The following FNDC3B variants were observed in gnomAD, a reference collection of about 807,000 sequenced individuals.
FNDC3B encodes fibronectin type III domain-containing protein 3B.
FNDC3B carries 12 observed loss-of-function variants against 151.5 expected under a neutral mutation model. That is an observed-to-expected ratio of 0.08 (90% CI 0.05 to 0.13). The LOEUF (loss-of-function observed/expected upper bound fraction) is 0.13, where lower values mean the gene tolerates loss of function less well. Among genes scored for constraint, FNDC3B ranks in the 10% least tolerant of loss-of-function variants. The pLI is 1.00. For missense variants in FNDC3B, 1,214 were observed against 1,505.3 expected (o/e 0.81, Z 3.20); for synonymous variants, 528 against 549.0 (o/e 0.96, Z 0.54).
intron 1 of FNDC3B, among the ~76,000 whole-genome samples, chr3:172,092,313 C>G (rs566970973): frequency 6.6e-6 from 1 of 152,242 alleles, no homozygotes; most frequent in Non-Finnish European, 1.5e-5. Context: ...TGCCTGAGCC[C>G]CTGTCATATG....
intron 16 of FNDC3B, 133 bp from the exon 17 acceptor site, chr3:172,340,980 G>T: frequency 4.5e-6 from 3 of 671,860 alleles, no homozygotes; most frequent in Non-Finnish European, 8.0e-6. Context: ...AAAAGGAAGA[G>T]CTTTCTGGCT....
At chr3:172,158,875 C>G (rs1722634944) in intron 3 of FNDC3B, among the ~76,000 whole-genome samples, 1 of 152,162 alleles carries the variant, frequency 6.6e-6, no homozygotes, top group Non-Finnish European at 1.5e-5. Context: ...TCCCCTCTTC[C>G]TCTCCCTCCT....
chr3:172,334,498 A>G (rs906140891), intron 14 of FNDC3B, among the ~76,000 whole-genome samples: 2 of 152,100 alleles, frequency 1.3e-5, no homozygotes, highest in African/African-American at 4.8e-5. Context: ...GCTGGAGTGC[A>G]ATGGCATGAT....
chr3:172,130,151 A>G (rs1047827353), intron 2 of FNDC3B, among the ~76,000 whole-genome samples: 10 of 152,270 alleles, frequency 6.6e-5, no homozygotes, highest in African/African-American at 9.6e-5. Context: ...AGGACCGGTC[A>G]TTGGGCTGGT....
intron 22 of FNDC3B, among the ~76,000 whole-genome samples, chr3:172,360,420 T>A (rs1417403936): frequency 6.6e-6 from 1 of 152,234 alleles, no homozygotes; most frequent in Non-Finnish European, 1.5e-5. Context: ...CTCTTAGCAG[T>A]GCAAAAGTTT....
chr3:172,297,692 T>C (rs1457709300), intron 8 of FNDC3B, among the ~76,000 whole-genome samples: 1 of 152,072 alleles, frequency 6.6e-6, no homozygotes, highest in East Asian at 1.9e-4. Context: ...GCCAGGATGG[T>C]CTCGATCTCC....
chr3:172,111,979 T>C (rs1163042947), intron 1 of FNDC3B, among the ~76,000 whole-genome samples: 1 of 152,242 alleles, frequency 6.6e-6, no homozygotes, highest in Non-Finnish European at 1.5e-5. Context: ...AATTGAAGAA[T>C]AAACACTTCT....
rs1033314107 is a variant in FNDC3B, at chr3:172,039,683, G to A, written c.-117G>A. ...CGGCGGCGGGAGCAGCGAAGGGGGC[G>A]GCAGGGATCCTCCAGGCTGCCGGCT... On this transcript the variant is annotated 5_prime_UTR_variant, in exon 1 of 26. Transcript: ENST00000415807. 11 of 165,008 alleles carry A rather than the reference G, an allele frequency of 6.7e-5. No individual in the cohort carries two copies. The highest frequency in any genetic ancestry group is 1.2e-4 in the Non-Finnish European group (9 of 77,740). The allele number at this position is 165,008 out of a possible 1,614,324, so 10.2% of individuals were successfully genotyped here. A position where few individuals can be genotyped will look rare whatever the true frequency, so the allele number is the denominator to read the frequency against.
intron 25 of FNDC3B, among the ~76,000 whole-genome samples, chr3:172,387,418 T>A (rs1735776617): frequency 6.6e-6 from 1 of 152,240 alleles, no homozygotes; most frequent in Admixed American, 6.5e-5. Flanking sequence ...ATTTTTTTAA[T>A]GACTTTCAAC....
chr3:172,303,664 C>G (rs565021093), intron 9 of FNDC3B, among the ~76,000 whole-genome samples: 9 of 151,960 alleles, frequency 5.9e-5, no homozygotes, highest in African/African-American at 2.2e-4. Context: ...AGAAACTGAC[C>G]GTACTCTACA....
At chr3:172,310,949 C>A (rs1731444762) in intron 11 of FNDC3B, 68 bp downstream of exon 11, 11 of 1,086,562 alleles carry the variant, frequency 1.0e-5, no homozygotes, top group Non-Finnish European at 1.6e-5. Context: ...GAACAAATGC[C>A]ATCTTATTCT....
chr3:172,295,170 T>TATA (rs1388560533), intron 7 of FNDC3B, among the ~76,000 whole-genome samples, 193 bp from the exon 8 acceptor site: 1 of 152,204 alleles, frequency 6.6e-6, no homozygotes, highest in East Asian at 1.9e-4. Context: ...AAGTTGGCAT[T>TATA]ATAAGGACAG....
chr3:172,163,761 T>C (rs1217307135), intron 3 of FNDC3B, among the ~76,000 whole-genome samples: 1 of 152,260 alleles, frequency 6.6e-6, no homozygotes, highest in Admixed American at 6.5e-5. Context: ...GCAGGGCTGC[T>C]ATGAATATTC....
chr3:172,115,502 G>C (rs1290854968), intron 2 of FNDC3B, among the ~76,000 whole-genome samples: 1 of 152,178 alleles, frequency 6.6e-6, no homozygotes, highest in Non-Finnish European at 1.5e-5. Flanking sequence ...GTAATGTGGT[G>C]CTCAGGTGGT....
rs181284135 is a variant in FNDC3B at position 172,247,824 on chromosome 3, C to T, written c.508+48C>T. 8.8e-5 allele frequency: 140 copies of T among 1,593,332 alleles called. No homozygotes were observed. The African/African-American group carries it at 1.5e-3, about 17-fold the overall frequency. ...CAGGAGCCGTTGAAACTGATTACAG[C>T]GTTTCAATAGTTCAAGGCGGTCCTT... On this transcript the variant is annotated intron_variant, in intron 5 of 25. Transcript: ENST00000415807.
chr3:172,097,944 TG>T (rs1295755871), intron 1 of FNDC3B, among the ~76,000 whole-genome samples: 1 of 152,190 alleles, frequency 6.6e-6, no homozygotes, highest in African/African-American at 2.4e-5. Context: ...TTAGTAGAAC[TG>T]GCAGGGGCAT....
chr3:172,090,771 C>T (rs953163922), intron 1 of FNDC3B, among the ~76,000 whole-genome samples: 30 of 152,276 alleles, frequency 2.0e-4, no homozygotes, highest in African/African-American at 5.8e-4. Flanking sequence ...CAGGATGCCA[C>T]AGTGGAAAAT....
At chr3:172,326,304 A>T (rs1166699236) in intron 11 of FNDC3B, among the ~76,000 whole-genome samples, 3 of 152,134 alleles carry the variant, frequency 2.0e-5, no homozygotes, top group African/African-American at 7.2e-5. Flanking sequence ...TTGTATTCTT[A>T]CCTCTACAGA....
chr3:172,362,539 C>A, intron 22 of FNDC3B, 94 bp from the exon 23 acceptor site: 2 of 936,836 alleles, frequency 2.1e-6, no homozygotes, highest in Non-Finnish European at 3.4e-6. Context: ...GCTTTAGGGA[C>A]AAGTAATAAA....
Sources: allele counts gnomAD v4.1 joint callset (sites outside exome capture counted in the v4.1 genomes callset), GRCh38; gene constraint gnomAD v4.1.1; transcripts MANE v1.5; gene names NCBI Gene and HGNC (gene_info 2026-07-23, HGNC 2026-07-21).